Variants in B4GALT6 observed in about 807,000 individuals in gnomAD.
B4GALT6 encodes the protein beta-1,4-galactosyltransferase 6.
Under a neutral mutation model 46.3 loss-of-function variants are expected in B4GALT6, and 14 were observed. That is an observed-to-expected ratio of 0.30 (90% confidence interval 0.20 to 0.47). The LOEUF is 0.47. Ranked by LOEUF, B4GALT6 falls within the 20% of genes least tolerant of loss-of-function variation. The pLI, the probability that B4GALT6 is intolerant of heterozygous loss-of-function variation, is 0.99. For missense variants in B4GALT6, 386 were observed against 480.1 expected, an observed-to-expected ratio of 0.80 and a Z score of 1.83; for synonymous variants, 168 against 162.0, an observed-to-expected ratio of 1.04 and a Z score of -0.28.
chr18:31,668,430 A>G (rs1186535279), intron 1 of B4GALT6, among the ~76,000 whole-genome samples: 1 of 152,244 alleles, frequency 6.6e-6, no homozygotes, highest in African/African-American at 2.4e-5. Context: ...CCCATGTAAC[A>G]AAGTTGCACA....
the B4GALT6 span, among the ~76,000 whole-genome samples, chr18:31,702,154 G>C: frequency 1.3e-5 from 2 of 152,256 alleles, no homozygotes. Context: ...CAAATAATAC[G>C]CTATAATGGC....
chr18:31,684,317 C>G lies in B4GALT6; in HGVS notation c.110G>C (p.Gly37Ala). The change falls in exon 1 of 9, where the codon GGC becomes GCC. Residue 37 changes from glycine to alanine, a missense_variant. This residue lies in a region of B4GALT6 where 323 missense variants were observed against 438.9 expected (regional missense o/e 0.74). Transcript: ENST00000306851. ...SCLYFIYVAP[G>A]IANTYLFMVQ... is the part of the protein sequence containing the mutation. ...GGGTGTGTCTCGGTGCTTACCGATGCCTGGGGCCACATAGATGAAGTACAG... is the reference window on the plus strand; with the variant it reads ...GGGTGTGTCTCGGTGCTTACCGATGGCTGGGGCCACATAGATGAAGTACAG... 6.2e-7 allele frequency: 1 copy of G among 1,613,266 alleles called. No homozygotes were observed. Among genetic ancestry groups the G allele is most frequent in the Non-Finnish European group, 8.5e-7 (1 of 1,179,656 alleles).
At chr18:31,643,011 C>G (rs1216871525) in intron 4 of B4GALT6, among the ~76,000 whole-genome samples, 1 of 152,208 alleles carries the variant, frequency 6.6e-6, no homozygotes, top group East Asian at 1.9e-4. Context: ...AAGTTGATGA[C>G]AGATGTTTAA....
At chr18:31,682,479 G>C (rs568705034) in intron 1 of B4GALT6, among the ~76,000 whole-genome samples, 1 of 152,108 alleles carries the variant, frequency 6.6e-6, no homozygotes, top group Non-Finnish European at 1.5e-5. Context: ...TACAAGACAC[G>C]TGCCAACATT....
the B4GALT6 span, among the ~76,000 whole-genome samples, chr18:31,710,213 C>T: frequency 6.6e-6 from 1 of 152,010 alleles, no homozygotes; most frequent in South Asian, 2.1e-4. Flanking sequence ...AAATGAAGTC[C>T]TGCCAAGGCT....
chr18:31,637,737 C>T (rs940361755), intron 5 of B4GALT6, among the ~76,000 whole-genome samples: 1 of 152,138 alleles, frequency 6.6e-6, no homozygotes, highest in African/African-American at 2.4e-5. Flanking sequence ...AACTTTCCTT[C>T]CTTTTCTGTA....
intron 2 of B4GALT6, among the ~76,000 whole-genome samples, chr18:31,664,865 T>C (rs546845158): frequency 6.6e-6 from 1 of 152,228 alleles, no homozygotes; most frequent in East Asian, 1.9e-4. Context: ...AGACTTTTAC[T>C]GTAGAATTAA....
At chr18:31,649,007 A>G (rs924065314) in intron 3 of B4GALT6, among the ~76,000 whole-genome samples, 1 of 152,166 alleles carries the variant, frequency 6.6e-6, no homozygotes, top group South Asian at 2.1e-4. Flanking sequence ...GAAAGACCTG[A>G]ATTTCCCCTA....
intron 2 of B4GALT6, among the ~76,000 whole-genome samples, chr18:31,661,510 C>T (rs1265105270): frequency 6.6e-6 from 1 of 152,032 alleles, no homozygotes; most frequent in African/African-American, 2.4e-5. Context: ...ATGGCAAGTT[C>T]TTCATTAATT....
intron 5 of B4GALT6, among the ~76,000 whole-genome samples, chr18:31,632,871 A>G (rs906859501): frequency 5.9e-5 from 9 of 152,160 alleles, no homozygotes. Flanking sequence ...AACACATCAA[A>G]TCATCTATCA....
chr18:31,658,521 C>T (rs2074171867), intron 2 of B4GALT6: 2 of 154,292 alleles, frequency 1.3e-5, no homozygotes, highest in African/African-American at 4.8e-5. Context: ...CTTACCACCT[C>T]ACACTGTAGA....
the B4GALT6 span, among the ~76,000 whole-genome samples, chr18:31,692,312 A>G: frequency 5.3e-5 from 8 of 152,210 alleles, no homozygotes; most frequent in African/African-American, 9.6e-5. Flanking sequence ...TTACCAATTT[A>G]TGCTCCCACC....
At chr18:31,684,981 T>C (rs968523188), upstream of B4GALT6, among the ~76,000 whole-genome samples, 11 of 146,690 alleles carry the variant, frequency 7.5e-5, no homozygotes, top group Non-Finnish European at 1.1e-4. Context: ...TGCGCGGGGC[T>C]AGCGTGGGCG....
chr18:31,724,339 T>C, the B4GALT6 span: 3 of 776,946 alleles, frequency 3.9e-6, no homozygotes, highest in South Asian at 2.1e-5. Flanking sequence ...CCAGGCGGCT[T>C]AGCCTCTGGA....
rs1031822611 is a variant in B4GALT6 at position 31,623,877 on chromosome 18, T to C, written c.*1737A>G. On this transcript the variant is annotated 3_prime_UTR_variant, in exon 9 of 9. Transcript: ENST00000306851. The stretch of plus-strand genomic sequence containing the variant: ...TACAATCTGAGATAAATAACCATAG[T>C]TCTGTTTTAGGTAAACAATCCTTGA... The C allele has an allele frequency of 6.6e-6, 1 of 151,978 alleles. No individual in the cohort carries two copies. Among genetic ancestry groups the C allele is most frequent in the Non-Finnish European group, 1.5e-5 (1 of 67,856 alleles). 9.4% of individuals were successfully genotyped at this position (151,978 alleles called of 1,614,324 possible). A position where few individuals can be genotyped will look rare whatever the true frequency, so the allele number is the denominator to read the frequency against.
At chr18:31,663,608 T>C (rs1176896466) in intron 2 of B4GALT6, among the ~76,000 whole-genome samples, 1 of 152,218 alleles carries the variant, frequency 6.6e-6, no homozygotes, top group African/African-American at 2.4e-5. Context: ...CTATTTATCA[T>C]TTAGTGTTAA....
the B4GALT6 span, among the ~76,000 whole-genome samples, chr18:31,715,658 C>A: frequency 6.9e-6 from 1 of 145,694 alleles, no homozygotes; most frequent in African/African-American, 2.6e-5. Flanking sequence ...TCAAGCAATT[C>A]TCCTGCCTTA....
chr18:31,685,378 A>C (rs934223505), upstream of B4GALT6, among the ~76,000 whole-genome samples: 2 of 151,438 alleles, frequency 1.3e-5, no homozygotes, highest in Non-Finnish European at 3.0e-5. Context: ...AAAGAGGCGG[A>C]CGTGAAGGGG....
intron 6 of B4GALT6, among the ~76,000 whole-genome samples, chr18:31,629,268 A>G (rs1450965797): frequency 6.6e-6 from 1 of 152,000 alleles, no homozygotes; most frequent in Non-Finnish European, 1.5e-5. Context: ...TAGATTTTCA[A>G]CTGCATTCCG....
Sources: allele counts gnomAD v4.1 joint callset (sites outside exome capture counted in the v4.1 genomes callset), GRCh38; gene constraint gnomAD v4.1.1; regional missense constraint gnomAD v4.1.1; transcripts MANE v1.5; gene names NCBI Gene and HGNC (gene_info 2026-07-23, HGNC 2026-07-21).